The following RAP1GAP2 variants were observed in gnomAD, a reference collection of about 807,000 sequenced individuals.
RAP1GAP2 encodes rap1 GTPase-activating protein 2.
In RAP1GAP2, 27 loss-of-function variants were observed where a neutral mutation model predicts 95.0. The observed-to-expected ratio is 0.28, with a 90% CI of 0.21 to 0.39. The LOEUF (loss-of-function observed/expected upper bound fraction) is 0.39. RAP1GAP2 is among the 10% of genes least tolerant of loss of function. The pLI, the probability that RAP1GAP2 is intolerant of heterozygous loss-of-function variation, is 1.00. For missense variants in RAP1GAP2, 771 were observed against 970.0 expected (o/e 0.79, Z 2.72); for synonymous variants, 373 against 380.9 (o/e 0.98, Z 0.24).
chr17:2,798,925 G>A (rs1268991463), intron 1 of RAP1GAP2, among the ~76,000 whole-genome samples: 1 of 152,194 alleles, frequency 6.6e-6, no homozygotes, highest in Non-Finnish European at 1.5e-5. Context: ...CAGGAGCCCC[G>A]GTTCCAGCGG....
intron 2 of RAP1GAP2, among the ~76,000 whole-genome samples, chr17:2,822,141 C>T (rs899545595): frequency 6.6e-6 from 1 of 152,128 alleles, no homozygotes; most frequent in Non-Finnish European, 1.5e-5. Context: ...GCACCCAGTT[C>T]AAGCATAATA....
chr17:2,950,533 G>C (rs2043881773), intron 3 of RAP1GAP2, among the ~76,000 whole-genome samples: 1 of 151,852 alleles, frequency 6.6e-6, no homozygotes, highest in Admixed American at 6.6e-5. Flanking sequence ...ACCAGACCCT[G>C]GCTGGGCACT....
intron 3 of RAP1GAP2, among the ~76,000 whole-genome samples, chr17:2,947,491 T>C (rs1371393137): frequency 6.6e-6 from 1 of 152,328 alleles, no homozygotes; most frequent in Non-Finnish European, 1.5e-5. Context: ...CCCTCACCGC[T>C]TGCTTCGTTG....
intron 2 of RAP1GAP2, among the ~76,000 whole-genome samples, chr17:2,874,364 T>TC (rs1347176365): frequency 6.6e-6 from 1 of 152,136 alleles, no homozygotes; most frequent in Non-Finnish European, 1.5e-5. Flanking sequence ...ATAGCTCTTA[T>TC]CTAGGGTAAG....
chr17:2,914,545 C>A (rs1184125531), intron 3 of RAP1GAP2, among the ~76,000 whole-genome samples: 1 of 152,114 alleles, frequency 6.6e-6, no homozygotes, highest in Non-Finnish European at 1.5e-5. Context: ...GGCTGGAGTG[C>A]AGTGGCCCGA....
chr17:2,981,915 T>C (rs2045374490), intron 10 of RAP1GAP2, among the ~76,000 whole-genome samples: 1 of 152,146 alleles, frequency 6.6e-6, no homozygotes, highest in South Asian at 2.1e-4. Flanking sequence ...AAAGACCCAG[T>C]GCATCGACTG....
intron 2 of RAP1GAP2, among the ~76,000 whole-genome samples, chr17:2,846,335 G>T (rs1432917561): frequency 6.6e-6 from 1 of 152,074 alleles, no homozygotes; most frequent in Non-Finnish European, 1.5e-5. Context: ...TTATTATTGG[G>T]TCGTATTCCA....
intron 2 of RAP1GAP2, among the ~76,000 whole-genome samples, chr17:2,898,207 C>T (rs370268981): frequency 8.5e-5 from 13 of 152,278 alleles, no homozygotes; most frequent in African/African-American, 3.1e-4. Context: ...CCACCTCACC[C>T]GGCCAACGGG....
intron 2 of RAP1GAP2, among the ~76,000 whole-genome samples, chr17:2,853,576 C>T (rs1488922762): frequency 6.7e-6 from 1 of 150,172 alleles, no homozygotes; most frequent in Non-Finnish European, 1.5e-5. Context: ...GTCCCGGGAG[C>T]GCTGTCCGCC....
intron 3 of RAP1GAP2, among the ~76,000 whole-genome samples, chr17:2,926,111 G>A (rs1405051877): frequency 7.1e-6 from 1 of 141,338 alleles, no homozygotes; most frequent in Non-Finnish European, 1.5e-5. Context: ...GGGCAACACA[G>A]CAAGCCTCTG....
At chr17:2,977,600 C>G (rs1293709287) in intron 8 of RAP1GAP2, among the ~76,000 whole-genome samples, 1 of 151,802 alleles carries the variant, frequency 6.6e-6, no homozygotes, top group African/African-American at 2.4e-5. Flanking sequence ...TAAAAATTAG[C>G]TGGGCGTGGT....
Position 3,034,548 on chromosome 17 carries a change from G to A in RAP1GAP2, c.*1187G>A, listed in dbSNP as rs140840950. On this transcript the variant is annotated 3_prime_UTR_variant, in exon 25 of 25. Coordinates refer to ENST00000254695, the MANE Select transcript of RAP1GAP2 (RefSeq NM_015085.5). This position sits in a 1 kb window ranked among gnomAD's most constrained non-coding sequence, Gnocchi z 5.1. The stretch of plus-strand genomic sequence containing the variant: ...AGCTACTGTGCCCTTGGGCAGCTGC[G>A]TCTGGGGCTCAACCCCCCAATCCTG... 42 of 158,080 alleles carry A rather than the reference G, an allele frequency of 2.7e-4. No individual in the cohort carries two copies. The Middle Eastern group carries it at 6.2e-3, about 23-fold the overall frequency. 9.8% of individuals were successfully genotyped at this position (158,080 alleles called of 1,614,324 possible).
At chr17:2,957,736 G>T in intron 3 of RAP1GAP2, 23 bp from the exon 4 acceptor site, 1 of 1,604,322 alleles carries the variant, frequency 6.2e-7, no homozygotes. Context: ...CTGTCTTTCT[G>T]TCCCCCTGCT....
intron 8 of RAP1GAP2, among the ~76,000 whole-genome samples, chr17:2,972,869 G>T (rs972985806): frequency 1.1e-4 from 16 of 152,180 alleles, no homozygotes; most frequent in Admixed American, 5.2e-4. Flanking sequence ...TTGTCTGGTT[G>T]TAGAGATACT....
chr17:2,761,797 C>A (rs1419337788), intron 1 of RAP1GAP2, among the ~76,000 whole-genome samples: 2 of 151,936 alleles, frequency 1.3e-5, no homozygotes. Context: ...GGAATGTGCA[C>A]CAGCTGTGTA....
rs910390945 is a variant in RAP1GAP2 at position 2,930,191 on chromosome 17, G to A, written c.165+24823G>A. On this transcript the variant is annotated intron_variant, in intron 3 of 24. Transcript: ENST00000254695. Reference sequence around the variant, plus strand: ...CGCTGGCTGGGAGATGACTGGGAGCGGGATTGTCCCAGCTGTGGGTCTGGA... The same window carrying A: ...CGCTGGCTGGGAGATGACTGGGAGCAGGATTGTCCCAGCTGTGGGTCTGGA... 2.6e-5 allele frequency among the ~76,000 whole-genome samples: 4 copies of A among 152,264 alleles called. No homozygotes were observed. In the South Asian group the frequency reaches 6.2e-4, roughly 24 times the overall value.
Position 2,963,029 on chromosome 17 carries a change from G to A in RAP1GAP2, c.246+315G>A, listed in dbSNP as rs1010681276. 41 of 520,108 alleles carry A rather than the reference G, an allele frequency of 7.9e-5. No homozygotes were observed. The Admixed American group carries it at 1.2e-3, about 15-fold the overall frequency. The allele number at this position is 520,108 out of a possible 1,614,324, so 32.2% of individuals were successfully genotyped here. The stretch of plus-strand genomic sequence containing the variant: ...GTAAGGGTGTCAGGCTCTGTGCCCC[G>A]GGTTCCAGTGGGCAGTCAGCTCTCA... On this transcript the variant is annotated intron_variant, in intron 5 of 24. Coordinates refer to ENST00000254695, the MANE Select transcript of RAP1GAP2 (RefSeq NM_015085.5). This position sits in a 1 kb window ranked among gnomAD's most constrained non-coding sequence, Gnocchi z 4.8.
At chr17:2,881,802 G>C (rs952002387) in intron 2 of RAP1GAP2, among the ~76,000 whole-genome samples, 1 of 152,006 alleles carries the variant, frequency 6.6e-6, no homozygotes, top group African/African-American at 2.4e-5. Context: ...GGCCATCCTA[G>C]TGGGTGTGAT....
At chr17:3,000,149 A>G (rs920433870) in intron 14 of RAP1GAP2, among the ~76,000 whole-genome samples, 1 of 152,076 alleles carries the variant, frequency 6.6e-6, no homozygotes, top group Non-Finnish European at 1.5e-5. Flanking sequence ...GGGTTTCTCC[A>G]TGTTGGCCAG....
Sources: allele counts gnomAD v4.1 joint callset (sites outside exome capture counted in the v4.1 genomes callset), GRCh38; gene constraint gnomAD v4.1.1; non-coding constraint Gnocchi (gnomAD v3.1); transcripts MANE v1.5; gene names NCBI Gene and HGNC (gene_info 2026-07-23, HGNC 2026-07-21).